PCDH1: variants seen among roughly 807,000 people sequenced by gnomAD.
PCDH1 encodes the protein protocadherin 1.
A neutral mutation model predicts 74.6 loss-of-function variants in PCDH1; 23 were observed. That is an observed-to-expected ratio of 0.31 (90% CI 0.22 to 0.44). The LOEUF (loss-of-function observed/expected upper bound fraction) is 0.44, where lower values mean the gene tolerates loss of function less well. Ranked by LOEUF, PCDH1 falls within the 20% of genes least tolerant of loss-of-function variation. The probability of loss-of-function intolerance (pLI) is 1.00; values close to 1 mark genes in which losing one functional copy is unlikely to be tolerated. For missense variants in PCDH1, 1,214 were observed against 1,641.4 expected, an observed-to-expected ratio of 0.74 and a Z score of 4.50; for synonymous variants, 647 against 686.1, an observed-to-expected ratio of 0.94 and a Z score of 0.89.
rs374252625 is a variant in PCDH1 at position 141,864,608 on chromosome 5, G to A, written c.1723C>T (p.Arg575Trp). Residue 575 changes from arginine to tryptophan, a missense_variant, in exon 3 of 5, where the codon CGG becomes TGG. Transcript: ENST00000287008. The surrounding 1 kb of genome is among the most constrained non-coding windows in gnomAD (Gnocchi z 5.9). ...QVKTSLDREQ[R>W]ESYELKVVAA... ...ACCACCTTCAACTCATAGCTCTCCCGCTGTTCCCGATCCAGAGATGTCTTC... is the reference window on the plus strand; with the variant it reads ...ACCACCTTCAACTCATAGCTCTCCCACTGTTCCCGATCCAGAGATGTCTTC... 1.1e-5 allele frequency: 18 copies of A among 1,613,296 alleles called. No homozygotes were observed. In the Admixed American group the frequency reaches 1.2e-4, roughly 10 times the overall value.
chr5:141,865,967 G>T lies in PCDH1; in HGVS notation c.904-540C>A. On this transcript the variant is annotated intron_variant, in intron 2 of 4. Coordinates refer to ENST00000287008, the MANE Select transcript of PCDH1 (RefSeq NM_032420.5). The surrounding 1 kb of genome is among the most constrained non-coding windows in gnomAD (Gnocchi z 4.4). The stretch of plus-strand genomic sequence containing the variant: ...TTTGTGTGAGAAGGTATATGTGTTT[G>T]TATGTGTATGATTGTGTCAGAATGT... The T allele has an allele frequency of 1.3e-6, 1 of 777,508 alleles. No individual in the cohort carries two copies. The highest frequency in any genetic ancestry group is 1.6e-6 in the Non-Finnish European group (1 of 634,490). The allele number at this position is 777,508 out of a possible 1,614,324, so 48.2% of individuals were successfully genotyped here. A position where few individuals can be genotyped will look rare whatever the true frequency, so the allele number is the denominator to read the frequency against.
intron 1 of PCDH1, among the ~76,000 whole-genome samples, chr5:141,877,469 G>C (rs1753269610): frequency 6.6e-6 from 1 of 152,146 alleles, no homozygotes. Flanking sequence ...GAATGTGGGG[G>C]GTGGCTAGGT....
At chr5:141,867,862 T>C (rs1335850447) in intron 2 of PCDH1, among the ~76,000 whole-genome samples, 2 of 152,088 alleles carry the variant, frequency 1.3e-5, no homozygotes, top group Non-Finnish European at 2.9e-5. Context: ...CTTTCTTTGC[T>C]CCCTCCCAGT....
rs773252160 is a variant in PCDH1 at position 141,864,236 on chromosome 5, C to T, written c.2095G>A (p.Val699Ile). 8.1e-6 allele frequency: 13 copies of T among 1,609,610 alleles called. No homozygotes were observed. In the South Asian group the frequency reaches 9.9e-5, roughly 12 times the overall value. The stretch of plus-strand genomic sequence containing the variant: ...TCCAGCACATTGATGGTGACACCAA[C>T]GTAAGCTGAGCGAGGTGGGACGCCA... ...DGGVPPRSAY[V>I]GVTINVLDEN... The change falls in exon 3 of 5, where the codon GTT becomes ATT. Residue 699 changes from valine to isoleucine, a missense_variant. This residue lies in a region of PCDH1 where 836 missense variants were observed against 1,182.2 expected (regional missense o/e 0.71). Transcript: ENST00000287008. The surrounding 1 kb of genome is among the most constrained non-coding windows in gnomAD (Gnocchi z 5.9).
intron 3 of PCDH1, among the ~76,000 whole-genome samples, chr5:141,861,986 T>G (rs1752585927): frequency 6.6e-6 from 1 of 151,526 alleles, no homozygotes; most frequent in Admixed American, 6.6e-5. Context: ...GGGAACCCCC[T>G]AAGAGTGGGG....
intron 3 of PCDH1, among the ~76,000 whole-genome samples, chr5:141,861,256 T>C (rs1752553458): frequency 6.6e-6 from 1 of 152,174 alleles, no homozygotes; most frequent in Admixed American, 6.5e-5. Context: ...TTGTCTGTCT[T>C]GTACAAGTAT....
intron 3 of PCDH1, among the ~76,000 whole-genome samples, chr5:141,860,887 G>A (rs1375948602): frequency 2.6e-5 from 4 of 152,036 alleles, no homozygotes; most frequent in African/African-American, 4.8e-5. Context: ...AGGCCACGGC[G>A]GGCAGATCGC....
intron 3 of PCDH1, among the ~76,000 whole-genome samples, chr5:141,859,643 CA>C (rs997025257): frequency 1.3e-5 from 2 of 152,176 alleles, no homozygotes; most frequent in Non-Finnish European, 2.9e-5. Context: ...GCTCTCCCCT[CA>C]TTCCCTATCC....
chr5:141,866,155 G>A (rs570405105), intron 2 of PCDH1: 23 of 985,462 alleles, frequency 2.3e-5, no homozygotes, highest in Middle Eastern at 5.2e-4. Flanking sequence ...CCTCCAGGCC[G>A]GGCCCCAGCC....
At position 141,854,047 on chromosome 5, in the gene PCDH1, G is replaced by A. The variant is rs1752221326; in HGVS notation, c.3709C>T (p.Leu1237=). ...SAQTAKREIY[L] ...CCGGCCGGCCAGTAGGGGGCTCACAGGTAGATCTCGCGCTTGGCCGTCTGG... is the reference window on the plus strand; with the variant it reads ...CCGGCCGGCCAGTAGGGGGCTCACAAGTAGATCTCGCGCTTGGCCGTCTGG... The change falls in exon 5 of 5, where the codon CTG becomes TTG. Residue 1237 remains leucine, a synonymous_variant. Coordinates refer to ENST00000287008, the MANE Select transcript of PCDH1 (RefSeq NM_032420.5). The A allele has an allele frequency of 6.6e-7, 1 of 1,504,542 alleles. No homozygotes were observed. Among genetic ancestry groups the A allele is most frequent in the African/African-American group, 1.4e-5 (1 of 71,526 alleles). 93.2% of individuals were successfully genotyped at this position (1,504,542 alleles called of 1,614,324 possible).
intron 3 of PCDH1, among the ~76,000 whole-genome samples, chr5:141,859,468 C>G (rs533379148): frequency 2.6e-5 from 4 of 152,318 alleles, no homozygotes; most frequent in East Asian, 1.9e-4. Flanking sequence ...TCCTGAAGCT[C>G]TAGACACTTG....
intron 3 of PCDH1, among the ~76,000 whole-genome samples, chr5:141,859,747 C>T (rs1752495672): frequency 6.6e-6 from 1 of 152,136 alleles, no homozygotes; most frequent in South Asian, 2.1e-4. Flanking sequence ...TTGCCACCAT[C>T]ATAGTCCAAC....
Position 141,869,420 on chromosome 5 carries a change from G to C in PCDH1, c.52C>G (p.Leu18Val). The C allele has an allele frequency of 1.3e-6, 2 of 1,597,580 alleles. No individual in the cohort carries two copies. Among genetic ancestry groups the C allele is most frequent in the Non-Finnish European group, 1.7e-6 (2 of 1,178,634 alleles). The change falls in exon 2 of 5, where the codon CTG (leucine) becomes GTG (valine). Residue 18 changes from leucine (L) to valine (V), a missense_variant. Coordinates refer to ENST00000287008, the MANE Select transcript of PCDH1 (RefSeq NM_032420.5). The surrounding 1 kb of genome is among the most constrained non-coding windows in gnomAD (Gnocchi z 4.9). ...RRCPEAALLI[L>V]GPPRMEHLRH... ...AGGTGCTCCATCCTGGGAGGCCCCA[G>C]AATCAGGAGGGCTGCAAGGGGAAGA...
At chr5:141,875,277 A>G (rs1458456120) in intron 1 of PCDH1, among the ~76,000 whole-genome samples, 1 of 152,058 alleles carries the variant, frequency 6.6e-6, no homozygotes, top group East Asian at 1.9e-4. Context: ...CCTTGGTTCG[A>G]TGAATAAACA....
chr5:141,856,635 A>G (rs1483889652), intron 4 of PCDH1, among the ~76,000 whole-genome samples: 10 of 150,878 alleles, frequency 6.6e-5, no homozygotes, highest in African/African-American at 2.2e-4. Flanking sequence ...GCTGGCTCAC[A>G]CCTCCTTTTT....
Position 141,865,202 on chromosome 5 carries a change from C to T in PCDH1, c.1129G>A (p.Val377Met), listed in dbSNP as rs200925077. The change falls in exon 3 of 5, where the codon GTG becomes ATG. Residue 377 changes from valine (V) to methionine (M), a missense_variant. Transcript: ENST00000287008. The surrounding 1 kb of genome is among the most constrained non-coding windows in gnomAD (Gnocchi z 4.4). ...KSARAQVVVT[V>M]KDMNDNAPTI... Reference sequence around the variant, plus strand: ...GGGGCATTGTCATTCATGTCCTTCACGGTCACAACCACCTGGGCACGGGCA... The same window carrying T: ...GGGGCATTGTCATTCATGTCCTTCATGGTCACAACCACCTGGGCACGGGCA... 6.2e-6 allele frequency: 10 copies of T among 1,614,192 alleles called. No homozygotes were observed. Among genetic ancestry groups the T allele is most frequent in the South Asian group, 4.4e-5 (4 of 91,082 alleles).
chr5:141,877,443 G>A (rs1753269041), intron 1 of PCDH1, among the ~76,000 whole-genome samples: 1 of 152,188 alleles, frequency 6.6e-6, no homozygotes, highest in Admixed American at 6.5e-5. Flanking sequence ...TATATGCTAG[G>A]GTGTGTTCCT....
Position 141,874,641 on chromosome 5 carries a change from C to T in PCDH1, c.40+3582G>A, listed in dbSNP as rs184313221. Among the ~76,000 whole-genome samples the T allele has an allele frequency of 1.9e-3, 290 of 152,308 alleles. 2 individuals are homozygous for T. Among genetic ancestry groups the T allele is most frequent in the African/African-American group, 6.4e-3 (268 of 41,558 alleles). On this transcript the variant is annotated intron_variant, in intron 1 of 4. Transcript: ENST00000287008. ...GGATGAGAACAGAGGTGAGAGTTCA[C>T]CCGGAAACTTCACTTCCAGCCCACC...
intron 1 of PCDH1, among the ~76,000 whole-genome samples, chr5:141,875,946 G>T (rs1753216512): frequency 6.6e-6 from 1 of 152,034 alleles, no homozygotes; most frequent in Non-Finnish European, 1.5e-5. Context: ...CTTTCTGGGC[G>T]GCCCCTTCCC....
Sources: gnomAD v4.1 joint callset for allele counts (sites outside exome capture counted in the v4.1 genomes callset) on GRCh38, gnomAD v4.1.1 for gene constraint, gnomAD v4.1.1 regional missense constraint, Gnocchi (gnomAD v3.1) non-coding constraint, MANE v1.5 for transcripts, NCBI Gene and HGNC (gene_info 2026-07-23, HGNC 2026-07-21) for gene names.